LEMD1: variants seen among roughly 807,000 people sequenced by gnomAD.
LEMD1 encodes the protein LEM domain containing 1, also known as LEM domain-containing protein 1.
In LEMD1, 18 loss-of-function variants were observed where a neutral mutation model predicts 17.4. That is an observed-to-expected ratio of 1.04 (90% CI 0.72 to 1.54). The LOEUF is 1.54. LEMD1 is among the 40% of genes most tolerant of loss of function. The probability of loss-of-function intolerance (pLI) is 0.00; values close to 1 mark genes in which losing one functional copy is unlikely to be tolerated. For synonymous variants in LEMD1, 88 were observed against 77.8 expected, an observed-to-expected ratio of 1.13 and a Z score of -0.69; for missense variants, 195 against 210.4, an observed-to-expected ratio of 0.93 and a Z score of 0.45.
chr1:205,426,968 GA>G (rs772354230), upstream of LEMD1, among the ~76,000 whole-genome samples: 74 of 152,124 alleles, frequency 4.9e-4, no homozygotes, highest in Non-Finnish European at 7.6e-4. Context: ...GAGATGCCGG[GA>G]GGCTTTTGAT....
chr1:205,393,102 C>T (rs927802139), intron 4 of LEMD1, among the ~76,000 whole-genome samples: 1 of 152,010 alleles, frequency 6.6e-6, no homozygotes, highest in Non-Finnish European at 1.5e-5. Context: ...AAAACTTGCA[C>T]ATCATATATC....
chr1:205,429,041 G>A (rs111415483), intron 1 of LEMD1, among the ~76,000 whole-genome samples: 2,261 of 152,246 alleles, frequency 0.015, 62 homozygotes, highest in African/African-American at 0.051. Context: ...CACTTCCACC[G>A]CCAGCCCCAG....
chr1:205,445,535 G>C (rs962097709), intron 1 of LEMD1, among the ~76,000 whole-genome samples: 10 of 152,228 alleles, frequency 6.6e-5, no homozygotes, highest in Non-Finnish European at 1.3e-4. Flanking sequence ...ACAGACCCTA[G>C]CTTGCCAGAC....
intron 4 of LEMD1, among the ~76,000 whole-genome samples, chr1:205,411,643 GAGAA>G (rs1215360825): frequency 2.5e-5 from 3 of 118,342 alleles, no homozygotes; most frequent in Admixed American, 9.9e-5. Context: ...GGAAGGAAAA[GAGAA>G]AGAAAGGAAA....
At chr1:205,435,139 G>C (rs1666185042) in intron 1 of LEMD1, 3 of 152,220 alleles carry the variant, frequency 2.0e-5, no homozygotes, top group African/African-American at 7.2e-5. Flanking sequence ...CTACTTTACA[G>C]AATTAATCCA....
chr1:205,442,183 C>CCTCT (rs1666306344), intron 1 of LEMD1, among the ~76,000 whole-genome samples: 2 of 152,250 alleles, frequency 1.3e-5, no homozygotes, highest in South Asian at 4.2e-4. Flanking sequence ...CTGAATCACT[C>CCTCT]CTCTCTCCAG....
chr1:205,416,967 T>C (rs1665722832), intron 3 of LEMD1, among the ~76,000 whole-genome samples: 1 of 152,090 alleles, frequency 6.6e-6, no homozygotes, highest in Non-Finnish European at 1.5e-5. Context: ...CAGCCTCAGG[T>C]CTAGGACTCC....
At chr1:205,418,820 A>C (rs1216924100) in intron 3 of LEMD1, among the ~76,000 whole-genome samples, 1 of 152,180 alleles carries the variant, frequency 6.6e-6, no homozygotes, top group Non-Finnish European at 1.5e-5. Context: ...AGTGTGGCTC[A>C]TCTTTCTTAA....
chr1:205,423,085 A>G (rs753336623), upstream of LEMD1, among the ~76,000 whole-genome samples: 7 of 152,194 alleles, frequency 4.6e-5, no homozygotes, highest in Non-Finnish European at 8.8e-5. Context: ...TATTTTCCTC[A>G]GGAGGCTTCA....
intron 3 of LEMD1, among the ~76,000 whole-genome samples, chr1:205,416,849 G>A (rs2102429289): frequency 6.6e-6 from 1 of 152,324 alleles, no homozygotes; most frequent in Non-Finnish European, 1.5e-5. Flanking sequence ...TATTTGGAAA[G>A]TTTGAAAGCA....
chr1:205,432,641 C>G (rs553832773), intron 1 of LEMD1, among the ~76,000 whole-genome samples: 1 of 152,270 alleles, frequency 6.6e-6, no homozygotes, highest in Non-Finnish European at 1.5e-5. Flanking sequence ...TCATTGCTAG[C>G]TCTGTCCGTG....
chr1:205,392,030 G>T (rs1331112824), intron 4 of LEMD1, among the ~76,000 whole-genome samples: 1 of 151,378 alleles, frequency 6.6e-6, no homozygotes, highest in African/African-American at 2.4e-5. Context: ...AGGATTGCTT[G>T]AACCCGGGAG....
In LEMD1 at chr1:205,440,692, T is replaced by G. The variant is rs112144392; in HGVS notation, c.-39+9176A>C. ...GTCCTGGGGTTCCCCCTTGTGTGGCTGGGGCCTCTCTCCAAGGAGGTCTGA... is the reference window on the plus strand; with the variant it reads ...GTCCTGGGGTTCCCCCTTGTGTGGCGGGGGCCTCTCTCCAAGGAGGTCTGA... On this transcript the variant is annotated intron_variant, in intron 1 of 3. Transcript: ENST00000367154. The G allele has an allele frequency of 8.7e-3, 1,321 of 152,664 alleles. 7 individuals carry two copies. The highest frequency in any genetic ancestry group is 0.027 in the Middle Eastern group (8 of 296). The allele number at this position is 152,664 out of a possible 1,614,324, so 9.5% of individuals were successfully genotyped here.
In LEMD1 at chr1:205,381,487, G is replaced by C. The variant is rs368365515; in HGVS notation, c.*171C>G. ...CTTAACACAGGTGCCTGGTTAGGCA[G>C]GTTCCTTCCACCTGGCTGAGCCCAG... is the stretch of plus-strand genomic sequence containing the variant. On this transcript the variant is annotated 3_prime_UTR_variant, in exon 6 of 6. Coordinates refer to ENST00000367153, the MANE Select transcript of LEMD1 (RefSeq NM_001199050.2). The C allele has an allele frequency of 7.7e-6, 5 of 651,426 alleles. No homozygotes were observed. In the African/African-American group the frequency reaches 9.1e-5, roughly 12 times the overall value. The allele number at this position is 651,426 out of a possible 1,614,324, so 40.4% of individuals were successfully genotyped here.
intron 4 of LEMD1, among the ~76,000 whole-genome samples, chr1:205,408,037 G>A (rs757749241): frequency 3.9e-5 from 6 of 152,112 alleles, no homozygotes; most frequent in Non-Finnish European, 5.9e-5. Context: ...CTGAGGCACC[G>A]TGGCTCCAGA....
intron 1 of LEMD1, chr1:205,436,454 G>A (rs1264309269): frequency 1.3e-5 from 2 of 152,188 alleles, no homozygotes; most frequent in Non-Finnish European, 2.9e-5. Flanking sequence ...TTAGAGAAGC[G>A]AACCCAGGCG....
intron 1 of LEMD1, among the ~76,000 whole-genome samples, chr1:205,446,234 G>A (rs1158156340): frequency 1.3e-5 from 2 of 152,196 alleles, no homozygotes; most frequent in African/African-American, 4.8e-5. Flanking sequence ...CAGTAGCCAA[G>A]AGACAAAGAA....
intron 4 of LEMD1, among the ~76,000 whole-genome samples, chr1:205,413,503 G>C (rs903488308): frequency 6.6e-6 from 1 of 150,934 alleles, no homozygotes; most frequent in Admixed American, 6.6e-5. Context: ...TTCCCAGGCT[G>C]GTCTCAAACT....
In LEMD1 at chr1:205,393,377, T is replaced by C. The variant is rs1279209460; in HGVS notation, c.271-9013A>G. Among the ~76,000 whole-genome samples the C allele has an allele frequency of 9.2e-4, 6 of 6,546 alleles. No homozygotes were observed. In the Admixed American group the frequency reaches 0.015, roughly 16 times the overall value. 4.3% of individuals were successfully genotyped at this position (6,546 alleles called of 152,430 possible). ...CACTTTATACCCAGTAGAATGGCTATTAAAAAAAAAAAGGAAGACCGGGCA... is the reference window on the plus strand; with the variant it reads ...CACTTTATACCCAGTAGAATGGCTACTAAAAAAAAAAAGGAAGACCGGGCA... On this transcript the variant is annotated intron_variant, in intron 4 of 5. Transcript: ENST00000367153.
Sources: gnomAD v4.1 joint callset for allele counts (sites outside exome capture counted in the v4.1 genomes callset) on GRCh38, gnomAD v4.1.1 for gene constraint, MANE v1.5 for transcripts, NCBI Gene and HGNC (gene_info 2026-07-23, HGNC 2026-07-21) for gene names.